ZDHHC14: variants seen among roughly 807,000 people sequenced by gnomAD.
The protein encoded by ZDHHC14 is zDHHC palmitoyltransferase 14.
In ZDHHC14, 16 loss-of-function variants were observed where a neutral mutation model predicts 47.7. The ratio of observed to expected loss-of-function variants is 0.34; its 90% CI spans 0.23 to 0.51. The LOEUF (loss-of-function observed/expected upper bound fraction) is 0.51, where lower values mean the gene tolerates loss of function less well. ZDHHC14 is among the 20% of genes least tolerant of loss of function. ZDHHC14 has a pLI of 0.97. For missense variants in ZDHHC14, 515 were observed against 662.5 expected (o/e 0.78, Z 2.44); for synonymous variants, 293 against 278.9 (o/e 1.05, Z -0.50).
intron 1 of ZDHHC14, among the ~76,000 whole-genome samples, chr6:157,451,760 A>G (rs1466953030): frequency 1.3e-5 from 2 of 152,112 alleles, no homozygotes; most frequent in Non-Finnish European, 2.9e-5. Context: ...GGGTTTCTCC[A>G]TGTTGGCCAG....
At chr6:157,589,231 T>A (rs567129174) in intron 2 of ZDHHC14, among the ~76,000 whole-genome samples, 1 of 152,160 alleles carries the variant, frequency 6.6e-6, no homozygotes, top group African/African-American at 2.4e-5. Flanking sequence ...GATCTCATGA[T>A]AACTCACTAT....
intron 1 of ZDHHC14, among the ~76,000 whole-genome samples, chr6:157,497,846 C>G (rs1054141214): frequency 2.0e-4 from 31 of 152,160 alleles, no homozygotes; most frequent in Non-Finnish European, 5.9e-5. Context: ...TTCTACCATC[C>G]TGATCAACAA....
intron 8 of ZDHHC14, among the ~76,000 whole-genome samples, chr6:157,669,321 A>G (rs1778688758): frequency 6.6e-6 from 1 of 151,212 alleles, no homozygotes; most frequent in Admixed American, 6.6e-5. Flanking sequence ...AGAATGCACA[A>G]GAGAGGGGTG....
intron 1 of ZDHHC14, among the ~76,000 whole-genome samples, chr6:157,433,973 G>C (rs1429976010): frequency 6.6e-6 from 1 of 152,134 alleles, no homozygotes. Flanking sequence ...AATTGTACCA[G>C]TATGTGACTT....
chr6:157,453,756 T>C (rs1583658734), intron 1 of ZDHHC14, among the ~76,000 whole-genome samples: 2 of 151,764 alleles, frequency 1.3e-5, no homozygotes, highest in African/African-American at 2.4e-5. Context: ...CTATTAGATT[T>C]TATTCATTCT....
At chr6:157,485,070 C>G (rs957234828) in intron 1 of ZDHHC14, among the ~76,000 whole-genome samples, 1 of 152,122 alleles carries the variant, frequency 6.6e-6, no homozygotes, top group Non-Finnish European at 1.5e-5. Flanking sequence ...GCACTCCAGC[C>G]TGGGCAACAG....
intron 5 of ZDHHC14, among the ~76,000 whole-genome samples, chr6:157,635,226 C>T (rs1481416149): frequency 6.6e-6 from 1 of 152,158 alleles, no homozygotes; most frequent in Admixed American, 6.5e-5. Context: ...AACTCCTGAC[C>T]TCGTGATCTG....
At chr6:157,654,337 A>G (rs1396676234) in intron 8 of ZDHHC14, among the ~76,000 whole-genome samples, 3 of 152,106 alleles carry the variant, frequency 2.0e-5, no homozygotes, top group African/African-American at 4.8e-5. Flanking sequence ...GTGTCTTAAG[A>G]TTCCCTAGGT....
At chr6:157,516,422 C>T (rs1329353107) in intron 1 of ZDHHC14, among the ~76,000 whole-genome samples, 4 of 152,116 alleles carry the variant, frequency 2.6e-5, no homozygotes, top group African/African-American at 7.2e-5. Flanking sequence ...GAACAGGTTG[C>T]GGGTCCCTGA....
chr6:157,524,671 C>A (rs576506572), intron 1 of ZDHHC14, among the ~76,000 whole-genome samples: 1 of 152,188 alleles, frequency 6.6e-6, no homozygotes, highest in African/African-American at 2.4e-5. Context: ...TCAGTTAATC[C>A]GTGACGGAGC....
chr6:157,649,993 G>A (rs2114987427), intron 7 of ZDHHC14, among the ~76,000 whole-genome samples: 1 of 151,098 alleles, frequency 6.6e-6, no homozygotes, highest in East Asian at 2.0e-4. Context: ...CGCTGGGGGT[G>A]CACGGGAGAG....
At chr6:157,461,222 C>T (rs563899704) in intron 1 of ZDHHC14, among the ~76,000 whole-genome samples, 2 of 152,246 alleles carry the variant, frequency 1.3e-5, no homozygotes, top group East Asian at 3.9e-4. Flanking sequence ...CAGGAGTTCA[C>T]GCTTCTAACC....
At chr6:157,638,691 C>T (rs566759033) in intron 5 of ZDHHC14, among the ~76,000 whole-genome samples, 4 of 152,354 alleles carry the variant, frequency 2.6e-5, no homozygotes, top group East Asian at 3.9e-4. Context: ...ACAAATGCAC[C>T]GTCTCGCCCT....
intron 1 of ZDHHC14, among the ~76,000 whole-genome samples, chr6:157,470,133 AAG>A (rs1258351017): frequency 2.0e-5 from 3 of 152,230 alleles, no homozygotes; most frequent in Admixed American, 2.0e-4. Flanking sequence ...ATAGCCAAAA[AAG>A]TCCAGTGTTT....
intron 1 of ZDHHC14, among the ~76,000 whole-genome samples, chr6:157,484,279 GTA>G (rs763784075): frequency 0.05 from 5,570 of 111,510 alleles, 184 homozygotes; most frequent in Non-Finnish European, 0.074. Flanking sequence ...GTATATATAC[GTA>G]TATATATATG....
At chr6:157,425,989 C>T (rs1381893501) in intron 1 of ZDHHC14, among the ~76,000 whole-genome samples, 1 of 152,192 alleles carries the variant, frequency 6.6e-6, no homozygotes, top group Non-Finnish European at 1.5e-5. Context: ...CAGAAGTCTC[C>T]TGATCCCCCA....
intron 1 of ZDHHC14, among the ~76,000 whole-genome samples, chr6:157,469,602 G>A (rs2114823952): frequency 6.6e-6 from 1 of 152,262 alleles, no homozygotes; most frequent in Admixed American, 6.5e-5. Flanking sequence ...CTGGGATTCT[G>A]CCCTGCAGCT....
intron 3 of ZDHHC14, among the ~76,000 whole-genome samples, chr6:157,613,765 G>C (rs1784843021): frequency 6.6e-6 from 1 of 152,068 alleles, no homozygotes. Flanking sequence ...TCTTAACCTG[G>C]GGCCTAGGAA....
At chr6:157,402,836 C>T (rs1463960771) in intron 1 of ZDHHC14, among the ~76,000 whole-genome samples, 1 of 152,138 alleles carries the variant, frequency 6.6e-6, no homozygotes, top group Non-Finnish European at 1.5e-5. Context: ...AAGCAATTCT[C>T]CTGCCTCAGC....
Sources: allele counts gnomAD v4.1 joint callset (sites outside exome capture counted in the v4.1 genomes callset), GRCh38; gene constraint gnomAD v4.1.1; transcripts MANE v1.5; gene names NCBI Gene and HGNC (gene_info 2026-07-23, HGNC 2026-07-21).